CLIC4: variants seen among roughly 807,000 people sequenced by gnomAD.
CLIC4 encodes the protein CLIC family member 4, also known as chloride intracellular channel protein 4.
A neutral mutation model predicts 24.6 loss-of-function variants in CLIC4; 13 were observed. The ratio of observed to expected loss-of-function variants is 0.53; its 90% CI spans 0.34 to 0.84. CLIC4 has a LOEUF of 0.84. CLIC4 is among the 40% of genes least tolerant of loss of function. The pLI is 0.01. For missense variants in CLIC4, 227 were observed against 301.7 expected, an observed-to-expected ratio of 0.75 and a Z score of 1.83; for synonymous variants, 104 against 111.3, an observed-to-expected ratio of 0.93 and a Z score of 0.41.
intron 2 of CLIC4, among the ~76,000 whole-genome samples, chr1:24,801,834 G>A (rs1269222257): frequency 6.6e-6 from 1 of 152,206 alleles, no homozygotes; most frequent in East Asian, 1.9e-4. Context: ...AACCCCTTTA[G>A]TTATGTATAT....
rs537507297 is a variant in CLIC4 at position 24,802,692 on chromosome 1, C to A, written c.182+4841C>A. On this transcript the variant is annotated intron_variant, in intron 2 of 5. Coordinates refer to ENST00000374379, the MANE Select transcript of CLIC4 (RefSeq NM_013943.3). ...AGGTTTGGTCTTTATTCTTCCAAATCTTTTCCTTTTTTCTTTTTCTTTTTT... is the reference window on the plus strand; with the variant it reads ...AGGTTTGGTCTTTATTCTTCCAAATATTTTCCTTTTTTCTTTTTCTTTTTT... 3.9e-4 allele frequency among the ~76,000 whole-genome samples: 59 copies of A among 150,500 alleles called. No homozygotes were observed. The South Asian group carries it at 9.9e-3, about 25-fold the overall frequency.
rs533584928 is a variant in CLIC4 at position 24,788,045 on chromosome 1, G to A, written c.73-9697G>A. 6.6e-5 allele frequency among the ~76,000 whole-genome samples: 10 copies of A among 151,620 alleles called. No homozygotes were observed. In the East Asian group the frequency reaches 1.4e-3, roughly 21 times the overall value. On this transcript the variant is annotated intron_variant, in intron 1 of 5. Transcript: ENST00000374379. Reference sequence around the variant, plus strand: ...TAATTTTTGTATTTTTAGTAGAGACGGTTTCACCATGTTGGTCAGGCTGGT... The same window carrying A: ...TAATTTTTGTATTTTTAGTAGAGACAGTTTCACCATGTTGGTCAGGCTGGT...
intron 1 of CLIC4, among the ~76,000 whole-genome samples, chr1:24,759,301 A>G (rs185642689): frequency 6.6e-6 from 1 of 152,316 alleles, no homozygotes; most frequent in Non-Finnish European, 1.5e-5. Context: ...AGCAAACATC[A>G]ATTGAATACT....
intron 1 of CLIC4, among the ~76,000 whole-genome samples, chr1:24,776,665 G>C (rs1329762745): frequency 6.6e-6 from 1 of 152,142 alleles, no homozygotes. Flanking sequence ...GTTTGGCCAG[G>C]TGTCATGGCT....
chr1:24,819,719 A>G (rs1452216009), intron 3 of CLIC4, among the ~76,000 whole-genome samples: 1 of 151,006 alleles, frequency 6.6e-6, no homozygotes, highest in African/African-American at 2.4e-5. Context: ...GATTACAGGC[A>G]TGAGCCACCG....
intron 3 of CLIC4, among the ~76,000 whole-genome samples, chr1:24,816,660 A>G (rs776223443): frequency 1.3e-5 from 2 of 152,200 alleles, no homozygotes; most frequent in East Asian, 1.9e-4. Flanking sequence ...TTATTAAATA[A>G]TAAGACTTGA....
intron 1 of CLIC4, among the ~76,000 whole-genome samples, chr1:24,770,189 A>G (rs566006056): frequency 1.1e-4 from 16 of 152,192 alleles, no homozygotes; most frequent in Admixed American, 9.2e-4. Context: ...CAATTGAGAA[A>G]TGTCTAAATG....
intron 1 of CLIC4, among the ~76,000 whole-genome samples, chr1:24,751,012 G>T (rs963486881): frequency 2.0e-5 from 3 of 151,936 alleles, no homozygotes; most frequent in African/African-American, 7.3e-5. Flanking sequence ...TTCTTTCAGA[G>T]AATTCTGTTG....
At chr1:24,764,009 G>A (rs909112263) in intron 1 of CLIC4, among the ~76,000 whole-genome samples, 7 of 152,172 alleles carry the variant, frequency 4.6e-5, no homozygotes, top group East Asian at 3.9e-4. Flanking sequence ...ATGAGTAAAT[G>A]CACTTAAGTA....
chr1:24,773,635 C>T (rs1483699868), intron 1 of CLIC4, among the ~76,000 whole-genome samples: 1 of 115,514 alleles, frequency 8.7e-6, no homozygotes, highest in Admixed American at 1.2e-4. Flanking sequence ...CTCACTTTGT[C>T]ATCCAGGCTA....
chr1:24,757,478 G>T (rs1490407637), intron 1 of CLIC4, among the ~76,000 whole-genome samples: 1 of 152,128 alleles, frequency 6.6e-6, no homozygotes, highest in African/African-American at 2.4e-5. Flanking sequence ...GGTGGCACAT[G>T]CCTGTAACCC....
Position 24,826,592 on chromosome 1 carries a change from G to T in CLIC4, c.309-418G>T, listed in dbSNP as rs189864800. ...ATTAATTTAAATTCATATTCAAATAGGTACATGGCACTAGTGGCTACTGTA... is the reference window on the plus strand; with the variant it reads ...ATTAATTTAAATTCATATTCAAATATGTACATGGCACTAGTGGCTACTGTA... On this transcript the variant is annotated intron_variant, in intron 3 of 5. Coordinates refer to ENST00000374379, the MANE Select transcript of CLIC4 (RefSeq NM_013943.3). 5.3e-5 allele frequency among the ~76,000 whole-genome samples: 8 copies of T among 152,278 alleles called. No homozygotes were observed. The East Asian group carries it at 1.5e-3, about 29-fold the overall frequency.
In CLIC4 at chr1:24,771,954, T is replaced by C. The variant is rs187684974; in HGVS notation, c.73-25788T>C. 1.5e-4 allele frequency: 67 copies of C among 448,756 alleles called. 1 individual carries two copies. Among genetic ancestry groups the C allele is most frequent in the South Asian group, 1.1e-3 (67 of 59,612 alleles). 27.8% of individuals were successfully genotyped at this position (448,756 alleles called of 1,614,324 possible). On this transcript the variant is annotated intron_variant, in intron 1 of 5. Coordinates refer to ENST00000374379, the MANE Select transcript of CLIC4 (RefSeq NM_013943.3). ...ATTATTTTATATGCCAAGGTAGCCTTAGGCTTGGCTTAAGCTTAGGCTTAG... is the reference window on the plus strand; with the variant it reads ...ATTATTTTATATGCCAAGGTAGCCTCAGGCTTGGCTTAAGCTTAGGCTTAG...
chr1:24,766,931 A>G (rs1639006425), intron 1 of CLIC4, among the ~76,000 whole-genome samples: 1 of 148,588 alleles, frequency 6.7e-6, no homozygotes, highest in African/African-American at 2.5e-5. Context: ...CTGTTAGAGT[A>G]TGCAGTGTCC....
chr1:24,791,210 A>G (rs1189197846), intron 1 of CLIC4, among the ~76,000 whole-genome samples: 2 of 152,174 alleles, frequency 1.3e-5, no homozygotes, highest in Non-Finnish European at 2.9e-5. Flanking sequence ...TTAGATAACT[A>G]TATGTTAATT....
rs1246371548 is a variant in CLIC4 at position 24,791,566 on chromosome 1, C to T, written c.73-6176C>T. On this transcript the variant is annotated intron_variant, in intron 1 of 5. Coordinates refer to ENST00000374379, the MANE Select transcript of CLIC4 (RefSeq NM_013943.3). ...ATCAGCCTGGCCAACATGGTGAAACCCTGTCTCTAATAAAAATACAAAAAT... is the reference window on the plus strand; with the variant it reads ...ATCAGCCTGGCCAACATGGTGAAACTCTGTCTCTAATAAAAATACAAAAAT... 5.9e-5 allele frequency among the ~76,000 whole-genome samples: 9 copies of T among 151,762 alleles called. No individual in the cohort carries two copies. The South Asian group carries it at 1.9e-3, about 32-fold the overall frequency.
chr1:24,794,182 T>G (rs1397938126), intron 1 of CLIC4, among the ~76,000 whole-genome samples: 2 of 152,204 alleles, frequency 1.3e-5, no homozygotes, highest in East Asian at 3.8e-4. Context: ...GTAGAATGAT[T>G]TATATTCCTT....
chr1:24,817,168 CT>C (rs1639679949), intron 3 of CLIC4, among the ~76,000 whole-genome samples: 1 of 152,172 alleles, frequency 6.6e-6, no homozygotes, highest in South Asian at 2.1e-4. Flanking sequence ...AATGATCTAT[CT>C]AGAAGATCAA....
At chr1:24,763,552 A>AAG (rs1437042114) in intron 1 of CLIC4, among the ~76,000 whole-genome samples, 2 of 151,668 alleles carry the variant, frequency 1.3e-5, no homozygotes, top group Non-Finnish European at 2.9e-5. Flanking sequence ...AAAAAAAAAA[A>AAG]AAGAATTAAG....
Sources: gnomAD v4.1 joint callset for allele counts (sites outside exome capture counted in the v4.1 genomes callset) on GRCh38, gnomAD v4.1.1 for gene constraint, MANE v1.5 for transcripts, NCBI Gene and HGNC (gene_info 2026-07-23, HGNC 2026-07-21) for gene names.